WDR26: variants seen among roughly 807,000 people sequenced by gnomAD.
The protein encoded by WDR26 is WD repeat-containing protein 26.
In WDR26, 5 loss-of-function variants were observed where a neutral mutation model predicts 84.1. The observed-to-expected ratio is 0.06, with a 90% CI of 0.03 to 0.13. The LOEUF is 0.13. Ranked by LOEUF, WDR26 falls within the 10% of genes least tolerant of loss-of-function variation. The pLI is 1.00. For synonymous variants in WDR26, 415 were observed against 389.6 expected (o/e 1.07, Z -0.77); for missense variants, 642 against 974.9 (o/e 0.66, Z 4.55).
chr1:224,390,990 T>C (rs570746974), intron 13 of WDR26, among the ~76,000 whole-genome samples: 158 of 152,234 alleles, frequency 1.0e-3, no homozygotes, highest in African/African-American at 3.7e-3. Context: ...TATGTGGTCT[T>C]GTGTCCTGCT....
chr1:224,401,075 A>G lies in WDR26; in HGVS notation c.1600-6T>C, dbSNP rs764266639. 6.2e-7 allele frequency: 1 copy of G among 1,612,730 alleles called. No homozygotes were observed. Among genetic ancestry groups the G allele is most frequent in the South Asian group, 1.1e-5 (1 of 90,944 alleles). On this transcript the variant is annotated splice_polypyrimidine_tract_variant and splice_region_variant and intron_variant, in intron 8 of 13. Coordinates refer to ENST00000414423, the MANE Select transcript of WDR26 (RefSeq NM_001379403.1). ...TTTGTCCTTAGTTCTCCTGTCTATA[A>G]GGAAATAAAACTGTAAATGAGACCT...
At chr1:224,431,379 T>A in intron 3 of WDR26, 98 bp downstream of exon 3, 1 of 1,053,314 alleles carries the variant, frequency 9.5e-7, no homozygotes, top group South Asian at 1.4e-5. Flanking sequence ...TTTAACTACT[T>A]TTAGGCCTTA....
intron 3 of WDR26, among the ~76,000 whole-genome samples, chr1:224,429,117 C>T (rs1398418368): frequency 6.6e-6 from 1 of 151,864 alleles, no homozygotes; most frequent in Non-Finnish European, 1.5e-5. Context: ...CAAAAATTAG[C>T]CGGGCATGGT....
At chr1:224,410,303 GGAAAA>G (rs1394488602) in intron 7 of WDR26, among the ~76,000 whole-genome samples, 23 of 146,258 alleles carry the variant, frequency 1.6e-4, no homozygotes, top group South Asian at 4.2e-4. Context: ...AAAAAAAAGA[GGAAAA>G]GAAAAGAAAA....
At chr1:224,408,232 A>G (rs991283997) in intron 7 of WDR26, among the ~76,000 whole-genome samples, 2 of 152,218 alleles carry the variant, frequency 1.3e-5, no homozygotes, top group African/African-American at 4.8e-5. Context: ...GGCCTATCCT[A>G]ACTAGTTTTG....
chr1:224,423,274 T>C (rs563174868), intron 4 of WDR26, among the ~76,000 whole-genome samples: 1 of 152,322 alleles, frequency 6.6e-6, no homozygotes, highest in East Asian at 1.9e-4. Context: ...TCCAATACAA[T>C]GTTGAACAGA....
chr1:224,393,784 G>T, intron 13 of WDR26, 44 bp downstream of exon 13: 1 of 1,421,088 alleles, frequency 7.0e-7, no homozygotes, highest in Non-Finnish European at 9.4e-7. Flanking sequence ...GCCGAGTGAT[G>T]TTTCATTTGG....
Position 224,434,629 on chromosome 1 carries a change from C to G in WDR26, c.-224G>C. On this transcript the variant is annotated 5_prime_UTR_variant, in exon 1 of 14. Transcript: ENST00000414423. ...GCGGCCCGGGGGTCGCGCCGGGGGGCGCCGCGGGGCGGCTGCGGGGGCGCG... is the reference window on the plus strand; with the variant it reads ...GCGGCCCGGGGGTCGCGCCGGGGGGGGCCGCGGGGCGGCTGCGGGGGCGCG... 1.7e-6 allele frequency: 1 copy of G among 586,516 alleles called. No homozygotes were observed. The highest frequency in any genetic ancestry group is 2.1e-6 in the Non-Finnish European group (1 of 472,344). The allele number at this position is 586,516 out of a possible 1,614,324, so 36.3% of individuals were successfully genotyped here. A position where few individuals can be genotyped will look rare whatever the true frequency, so the allele number is the denominator to read the frequency against.
intron 4 of WDR26, among the ~76,000 whole-genome samples, chr1:224,420,613 A>C (rs1674032615): frequency 6.6e-6 from 1 of 152,206 alleles, no homozygotes; most frequent in South Asian, 2.1e-4. Context: ...TTTCATTTAG[A>C]ATCTAAATGA....
chr1:224,398,760 T>C lies in WDR26; in HGVS notation c.1865+129A>G, dbSNP rs1193583896. The stretch of plus-strand genomic sequence containing the variant: ...CTGAGTTACTGATTACTAAGTACCA[T>C]GTGACCTTCAATCCAAATTACCACG... On this transcript the variant is annotated intron_variant, in intron 10 of 13. Coordinates refer to ENST00000414423, the MANE Select transcript of WDR26 (RefSeq NM_001379403.1). The C allele has an allele frequency of 5.5e-6, 7 of 1,282,338 alleles. No homozygotes were observed. The East Asian group carries it at 9.8e-5, about 18-fold the overall frequency. 79.4% of individuals were successfully genotyped at this position (1,282,338 alleles called of 1,614,324 possible). A position where few individuals can be genotyped will look rare whatever the true frequency, so the allele number is the denominator to read the frequency against.
chr1:224,415,556 G>T (rs1356155078), intron 6 of WDR26, among the ~76,000 whole-genome samples: 1 of 143,514 alleles, frequency 7.0e-6, no homozygotes, highest in Admixed American at 7.6e-5. Flanking sequence ...TGCCTCCCAG[G>T]TTCAAGTGAT....
At chr1:224,431,991 C>T (rs1674405432) in intron 1 of WDR26, among the ~76,000 whole-genome samples, 1 of 152,150 alleles carries the variant, frequency 6.6e-6, no homozygotes, top group Admixed American at 6.5e-5. Flanking sequence ...TTTCTTGAAA[C>T]CAGAATCAAT....
chr1:224,400,854 A>T, intron 9 of WDR26, 96 bp downstream of exon 9: 1 of 1,513,884 alleles, frequency 6.6e-7, no homozygotes, highest in Non-Finnish European at 8.8e-7. Flanking sequence ...CCCACAGAGT[A>T]TACTTTGTAA....
rs1672981174 is a variant in WDR26 at position 224,385,886 on chromosome 1, T to G, written c.*3949A>C. ...TTAAACTCAGAGGGCACTTCACATG[T>G]GCACGAGACTTTCAGTAAAAATGAC... On this transcript the variant is annotated 3_prime_UTR_variant, in exon 14 of 14. Coordinates refer to ENST00000414423, the MANE Select transcript of WDR26 (RefSeq NM_001379403.1). 1 of 152,340 alleles carries G rather than the reference T, an allele frequency of 6.6e-6. No homozygotes were observed. Among genetic ancestry groups the G allele is most frequent in the Non-Finnish European group, 1.5e-5 (1 of 68,028 alleles). The allele number at this position is 152,340 out of a possible 1,614,324, so 9.4% of individuals were successfully genotyped here.
At chr1:224,426,230 T>C (rs1674207021) in intron 3 of WDR26, among the ~76,000 whole-genome samples, 2 of 152,206 alleles carry the variant, frequency 1.3e-5, no homozygotes, top group Admixed American at 1.3e-4. Context: ...TACCATTTAT[T>C]TGCAGAATTA....
At position 224,387,832 on chromosome 1, in the gene WDR26, A is replaced by G. The variant is rs560872686; in HGVS notation, c.*2003T>C. Reference sequence around the variant, plus strand: ...TATACTGAGGTAAAGAGAAGTTGCCACTTAATTACATACAGTTACCAATGA... The same window carrying G: ...TATACTGAGGTAAAGAGAAGTTGCCGCTTAATTACATACAGTTACCAATGA... On this transcript the variant is annotated 3_prime_UTR_variant, in exon 14 of 14. Coordinates refer to ENST00000414423, the MANE Select transcript of WDR26 (RefSeq NM_001379403.1). 3 of 152,760 alleles carry G rather than the reference A, an allele frequency of 2.0e-5. No individual in the cohort carries two copies. The highest frequency in any genetic ancestry group is 7.2e-5 in the African/African-American group (3 of 41,570). 9.5% of individuals were successfully genotyped at this position (152,760 alleles called of 1,614,324 possible). A position where few individuals can be genotyped will look rare whatever the true frequency, so the allele number is the denominator to read the frequency against.
At chr1:224,413,917 C>T (rs1026698999) in intron 6 of WDR26, among the ~76,000 whole-genome samples, 1 of 152,160 alleles carries the variant, frequency 6.6e-6, no homozygotes, top group African/African-American at 2.4e-5. Context: ...TCAAGTGATT[C>T]TCCTGCCTCA....
chr1:224,414,945 T>C (rs541791410), intron 6 of WDR26, among the ~76,000 whole-genome samples: 2 of 152,334 alleles, frequency 1.3e-5, no homozygotes, highest in South Asian at 4.1e-4. Context: ...AGTTCAAGGC[T>C]GCTGTGAACT....
intron 8 of WDR26, among the ~76,000 whole-genome samples, chr1:224,403,863 G>A (rs893496696): frequency 2.6e-5 from 4 of 152,148 alleles, no homozygotes; most frequent in African/African-American, 4.8e-5. Context: ...CTTGAACCCA[G>A]GAGGTGGAGG....
Sources: allele counts gnomAD v4.1 joint callset (sites outside exome capture counted in the v4.1 genomes callset), GRCh38; gene constraint gnomAD v4.1.1; transcripts MANE v1.5; gene names NCBI Gene and HGNC (gene_info 2026-07-23, HGNC 2026-07-21).